The following TAFA2 variants were observed in gnomAD, a reference collection of about 807,000 sequenced individuals.
TAFA2 encodes the protein chemokine-like protein TAFA-2.
A neutral mutation model predicts 18.8 loss-of-function variants in TAFA2; 7 were observed. The observed-to-expected ratio is 0.37, with a 90% confidence interval of 0.21 to 0.70. The LOEUF (loss-of-function observed/expected upper bound fraction) is 0.70, where lower values mean the gene tolerates loss of function less well. Ranked by LOEUF, TAFA2 falls within the 30% of genes least tolerant of loss-of-function variation. TAFA2 has a pLI of 0.53. For missense variants in TAFA2, 122 were observed against 158.1 expected (o/e 0.77, Z 1.23); for synonymous variants, 60 against 54.2 (o/e 1.11, Z -0.47).
At chr12:61,879,596 G>T in intron 1 of TAFA2, 1 of 770,440 alleles carries the variant, frequency 1.3e-6, no homozygotes. Flanking sequence ...ACACCCAGGA[G>T]AAGGAGCAGA....
chr12:62,128,481 A>C (rs1248470081), intron 1 of TAFA2, among the ~76,000 whole-genome samples: 1 of 152,072 alleles, frequency 6.6e-6, no homozygotes, highest in Non-Finnish European at 1.5e-5. Context: ...GGCTAAAAAC[A>C]AATCCAGGTA....
At chr12:62,139,843 C>T (rs2062226044) in intron 1 of TAFA2, among the ~76,000 whole-genome samples, 1 of 152,100 alleles carries the variant, frequency 6.6e-6, no homozygotes, top group Non-Finnish European at 1.5e-5. Flanking sequence ...AGTGACTCGC[C>T]CAAGGTCACA....
chr12:62,250,587 G>GA (rs1011419385), intron 1 of TAFA2, among the ~76,000 whole-genome samples: 4 of 151,096 alleles, frequency 2.6e-5, no homozygotes, highest in African/African-American at 7.3e-5. Flanking sequence ...TTCCATTCTG[G>GA]AAAAAAAATA....
chr12:61,831,994 T>C (rs1228988169), intron 2 of TAFA2, among the ~76,000 whole-genome samples: 1 of 152,082 alleles, frequency 6.6e-6, no homozygotes, highest in East Asian at 1.9e-4. Context: ...ATATAAATAA[T>C]TTTATCAAAA....
chr12:62,115,822 G>A (rs1869939030), intron 1 of TAFA2, among the ~76,000 whole-genome samples: 1 of 152,122 alleles, frequency 6.6e-6, no homozygotes, highest in Admixed American at 6.6e-5. Context: ...GCCCAAGCAG[G>A]TGATTACACG....
intron 4 of TAFA2, among the ~76,000 whole-genome samples, chr12:61,739,959 A>C (rs980201583): frequency 6.6e-6 from 1 of 152,120 alleles, no homozygotes; most frequent in Non-Finnish European, 1.5e-5. Context: ...AGGCTGACCA[A>C]ATCAACTCTC....
chr12:62,022,101 C>T (rs552840433), intron 1 of TAFA2: 5 of 509,112 alleles, frequency 9.8e-6, no homozygotes, highest in Admixed American at 2.3e-5. Context: ...AGTTCCCCAA[C>T]CCACTGGCCC....
At chr12:61,939,098 C>T (rs906169992) in intron 1 of TAFA2, among the ~76,000 whole-genome samples, 10 of 152,136 alleles carry the variant, frequency 6.6e-5, no homozygotes, top group African/African-American at 2.4e-4. Context: ...CGTTACTGAG[C>T]ATTGTGAGTC....
intron 1 of TAFA2, among the ~76,000 whole-genome samples, chr12:61,905,640 C>T (rs1477718775): frequency 6.6e-6 from 1 of 152,120 alleles, no homozygotes; most frequent in East Asian, 1.9e-4. Context: ...ATATCAAAGA[C>T]AGTGGGGGTC....
chr12:61,813,838 T>C lies in TAFA2; in HGVS notation c.106+53482A>G, dbSNP rs577417284. On this transcript the variant is annotated intron_variant, in intron 2 of 4. Transcript: ENST00000416284. ...ATCTACAAAATGCAGGTAAGAAATG[T>C]ACCTATCTCATACTGTTGTGAAGCT... Among the ~76,000 whole-genome samples, 16 of 151,636 alleles carry C rather than the reference T, an allele frequency of 1.1e-4. 1 individual carries two copies. Among genetic ancestry groups the C allele is most frequent in the Admixed American group, 1.0e-3 (16 of 15,272 alleles).
chr12:62,177,318 G>C (rs1339684395), intron 1 of TAFA2, among the ~76,000 whole-genome samples: 1 of 152,260 alleles, frequency 6.6e-6, no homozygotes, highest in East Asian at 1.9e-4. Context: ...CTAGGCAGCA[G>C]AATGCTGCTA....
intron 2 of TAFA2, among the ~76,000 whole-genome samples, chr12:61,842,922 A>T (rs1278260441): frequency 6.6e-6 from 1 of 152,076 alleles, no homozygotes; most frequent in African/African-American, 2.4e-5. Context: ...TTAGTGTATG[A>T]CTGCAACTGA....
chr12:61,714,285 T>A (rs1869547555), intron 4 of TAFA2, among the ~76,000 whole-genome samples: 1 of 152,184 alleles, frequency 6.6e-6, no homozygotes, highest in East Asian at 1.9e-4. Context: ...TAGCTGTTCT[T>A]TTTTACGCAA....
chr12:61,739,896 T>A (rs1868373265), intron 4 of TAFA2, among the ~76,000 whole-genome samples: 1 of 152,082 alleles, frequency 6.6e-6, no homozygotes, highest in Non-Finnish European at 1.5e-5. Context: ...AATATTCAAT[T>A]TGATTTCTTT....
At chr12:61,732,733 T>TG (rs1565754371) in intron 4 of TAFA2, among the ~76,000 whole-genome samples, 9 of 111,398 alleles carry the variant, frequency 8.1e-5, no homozygotes, top group Non-Finnish European at 1.3e-4. Context: ...AAGTGATTTT[T>TG]TGTGTGTGTG....
chr12:62,191,028 G>C (rs549786928), intron 1 of TAFA2, among the ~76,000 whole-genome samples: 2 of 152,008 alleles, frequency 1.3e-5, no homozygotes, highest in African/African-American at 4.8e-5. Context: ...ATCCCCTCTC[G>C]GCGTCCCTCT....
At chr12:61,934,110 C>T (rs185211829) in intron 1 of TAFA2, among the ~76,000 whole-genome samples, 5 of 152,122 alleles carry the variant, frequency 3.3e-5, no homozygotes, top group African/African-American at 7.2e-5. Flanking sequence ...TACAACATAT[C>T]GCAAAACCTA....
At chr12:61,786,950 A>C (rs1438344128) in intron 2 of TAFA2, among the ~76,000 whole-genome samples, 1 of 151,558 alleles carries the variant, frequency 6.6e-6, no homozygotes, top group Non-Finnish European at 1.5e-5. Context: ...AAAGAAGGGA[A>C]ATGAATAAAG....
At chr12:62,204,222 A>T (rs941994843) in intron 1 of TAFA2, among the ~76,000 whole-genome samples, 20 of 152,210 alleles carry the variant, frequency 1.3e-4, no homozygotes, top group Admixed American at 1.2e-3. Context: ...AGTCTGACGA[A>T]CTTGCCTTTG....
Sources: allele counts gnomAD v4.1 joint callset (sites outside exome capture counted in the v4.1 genomes callset), GRCh38; gene constraint gnomAD v4.1.1; transcripts MANE v1.5; gene names NCBI Gene and HGNC (gene_info 2026-07-23, HGNC 2026-07-21).